The following LMBR1 variants were observed in gnomAD, a reference collection of about 807,000 sequenced individuals.
The protein encoded by LMBR1 is limb development membrane protein 1.
In LMBR1, 52 loss-of-function variants were observed where a neutral mutation model predicts 73.9. That is an observed-to-expected ratio of 0.70 (90% confidence interval 0.56 to 0.89). The LOEUF is 0.89. Ranked by LOEUF, LMBR1 falls within the 40% of genes least tolerant of loss-of-function variation. The pLI is 0.00. For synonymous variants in LMBR1, 215 were observed against 209.4 expected (o/e 1.03, Z -0.23); for missense variants, 539 against 579.8 (o/e 0.93, Z 0.72).
intron 2 of LMBR1, among the ~76,000 whole-genome samples, chr7:156,834,316 A>C (rs1158848371): frequency 6.6e-6 from 1 of 152,176 alleles, no homozygotes; most frequent in Non-Finnish European, 1.5e-5. Context: ...ACAAACAGAA[A>C]TTGGCTGGGC....
intron 9 of LMBR1, among the ~76,000 whole-genome samples, chr7:156,737,671 T>A (rs1208072825): frequency 1.4e-5 from 2 of 147,396 alleles, no homozygotes; most frequent in African/African-American, 2.4e-5. Flanking sequence ...TGCTATGTTA[T>A]TTCTAAATTT....
chr7:156,678,221 A>G lies in LMBR1; in HGVS notation c.*5857T>C, dbSNP rs1321556272. On this transcript the variant is annotated 3_prime_UTR_variant, in exon 17 of 17. Coordinates refer to ENST00000353442, the MANE Select transcript of LMBR1 (RefSeq NM_022458.4). ...AGTGCAGTACTTTACTGACACAGGA[A>G]CTAGTGTTAGTTGCAGGCAACAGAT... The G allele has an allele frequency of 1.3e-5, 2 of 152,256 alleles. No homozygotes were observed. The highest frequency in any genetic ancestry group is 2.9e-5 in the Non-Finnish European group (2 of 68,046). 9.4% of individuals were successfully genotyped at this position (152,256 alleles called of 1,614,324 possible).
chr7:156,748,696 C>G (rs1585535539), intron 9 of LMBR1, among the ~76,000 whole-genome samples: 2 of 152,104 alleles, frequency 1.3e-5, no homozygotes, highest in African/African-American at 4.8e-5. Flanking sequence ...ACCATGTTGG[C>G]CAGGCTGGTC....
At chr7:156,761,984 A>C (rs1823122809) in intron 8 of LMBR1, 150 bp downstream of exon 8, 1 of 572,274 alleles carries the variant, frequency 1.7e-6, no homozygotes, top group Non-Finnish European at 3.1e-6. Context: ...CTCAAAAAAA[A>C]AAAAAAAACT....
rs563997779 is a variant in LMBR1, at chr7:156,888,592, A to G, written c.66+4336T>C. ...ATGAATGAATGGGTAAGCAAAATACAGTATACACAAAAAGAAAATATTATT... is the reference window on the plus strand; with the variant it reads ...ATGAATGAATGGGTAAGCAAAATACGGTATACACAAAAAGAAAATATTATT... On this transcript the variant is annotated intron_variant, in intron 1 of 16. Transcript: ENST00000353442. Among the ~76,000 whole-genome samples the G allele has an allele frequency of 3.6e-4, 55 of 152,104 alleles. No individual in the cohort carries two copies. In the South Asian group the frequency reaches 5.6e-3, roughly 16 times the overall value.
intron 1 of LMBR1, among the ~76,000 whole-genome samples, chr7:156,888,714 T>C (rs933751704): frequency 6.6e-6 from 1 of 151,720 alleles, no homozygotes; most frequent in African/African-American, 2.4e-5. Context: ...GGCCAGGAGT[T>C]CAAGAACAGC....
chr7:156,862,680 A>G (rs1270944228), intron 1 of LMBR1, among the ~76,000 whole-genome samples: 54 of 152,220 alleles, frequency 3.5e-4, no homozygotes, highest in Non-Finnish European at 5.9e-5. Context: ...ATTTCTGTAA[A>G]AAGTGTATCT....
chr7:156,688,330 T>C (rs1806399293), intron 15 of LMBR1, 139 bp from the exon 16 acceptor site: 1 of 585,102 alleles, frequency 1.7e-6, no homozygotes, highest in East Asian at 3.2e-5. Context: ...GAATAAATCC[T>C]AATTTAAAAT....
At chr7:156,805,990 C>T (rs990825335) in intron 4 of LMBR1, among the ~76,000 whole-genome samples, 7 of 152,136 alleles carry the variant, frequency 4.6e-5, no homozygotes, top group Admixed American at 2.6e-4. Context: ...CATCAAGAAC[C>T]CAACCATGGT....
Position 156,681,140 on chromosome 7 carries a change from A to G in LMBR1, c.*2938T>C. On this transcript the variant is annotated 3_prime_UTR_variant, in exon 17 of 17. Coordinates refer to ENST00000353442, the MANE Select transcript of LMBR1 (RefSeq NM_022458.4). ...TTATGCATTAAATAACGTGCTACCA[A>G]CAAAACTAGCACATAAGAGCCTGTA... 2.2e-6 allele frequency: 1 copy of G among 447,114 alleles called. No individual in the cohort carries two copies. The highest frequency in any genetic ancestry group is 1.6e-5 in the South Asian group (1 of 62,240). The allele number at this position is 447,114 out of a possible 1,614,324, so 27.7% of individuals were successfully genotyped here. A position where few individuals can be genotyped will look rare whatever the true frequency, so the allele number is the denominator to read the frequency against.
chr7:156,860,219 C>T (rs779627217), intron 1 of LMBR1, among the ~76,000 whole-genome samples: 112 of 152,212 alleles, frequency 7.4e-4, no homozygotes, highest in Non-Finnish European at 1.4e-3. Context: ...ACTTACACTT[C>T]CACGTGGCTG....
rs866088959 is a variant in LMBR1, at chr7:156,678,141, C to T, written c.*5937G>A. 1 of 152,266 alleles carries T rather than the reference C, an allele frequency of 6.6e-6. No homozygotes were observed. Among genetic ancestry groups the T allele is most frequent in the South Asian group, 2.1e-4 (1 of 4,832 alleles). 9.4% of individuals were successfully genotyped at this position (152,266 alleles called of 1,614,324 possible). A position where few individuals can be genotyped will look rare whatever the true frequency, so the allele number is the denominator to read the frequency against. On this transcript the variant is annotated 3_prime_UTR_variant, in exon 17 of 17. Transcript: ENST00000353442. ...CACATCTGTGAGCCATGCCATCCAC[C>T]CCGTAAACCTTCCGTGCCTATGTTG...
chr7:156,769,709 C>A (rs767654410), intron 5 of LMBR1, among the ~76,000 whole-genome samples: 1 of 152,224 alleles, frequency 6.6e-6, no homozygotes, highest in Non-Finnish European at 1.5e-5. Flanking sequence ...GCCAGCAGGT[C>A]ATTTCCCCTG....
At chr7:156,704,047 G>A (rs1252535601) in intron 15 of LMBR1, among the ~76,000 whole-genome samples, 2 of 152,178 alleles carry the variant, frequency 1.3e-5, no homozygotes, top group East Asian at 1.9e-4. Context: ...CATGACCCAT[G>A]CCACCCTGGG....
chr7:156,824,592 C>T (rs746438279), intron 4 of LMBR1, among the ~76,000 whole-genome samples: 6 of 152,114 alleles, frequency 3.9e-5, no homozygotes, highest in Non-Finnish European at 7.4e-5. Context: ...TGTCTAGTCC[C>T]GGCACTTTGG....
At chr7:156,840,152 G>A (rs572734139) in intron 1 of LMBR1, among the ~76,000 whole-genome samples, 1 of 152,262 alleles carries the variant, frequency 6.6e-6, no homozygotes, top group East Asian at 1.9e-4. Flanking sequence ...TTTTTACTGT[G>A]GGCTTGCTAT....
chr7:156,736,303 G>A (rs1817852613), intron 9 of LMBR1, among the ~76,000 whole-genome samples: 1 of 152,140 alleles, frequency 6.6e-6, no homozygotes, highest in South Asian at 2.1e-4. Context: ...AATCCAATCT[G>A]ATAAACTGTT....
At chr7:156,693,154 AAGG>A (rs1167916278) in intron 15 of LMBR1, among the ~76,000 whole-genome samples, 2 of 152,174 alleles carry the variant, frequency 1.3e-5, no homozygotes, top group Admixed American at 6.5e-5. Context: ...AGAGTCCCTG[AAGG>A]AGAAGAGAAG....
At chr7:156,752,943 A>G (rs1454608209) in intron 9 of LMBR1, among the ~76,000 whole-genome samples, 3 of 150,310 alleles carry the variant, frequency 2.0e-5, no homozygotes, top group Non-Finnish European at 4.4e-5. Flanking sequence ...TAAACTGTGC[A>G]AGGAAGTAGG....
Sources: allele counts gnomAD v4.1 joint callset (sites outside exome capture counted in the v4.1 genomes callset), GRCh38; gene constraint gnomAD v4.1.1; transcripts MANE v1.5; gene names NCBI Gene and HGNC (gene_info 2026-07-23, HGNC 2026-07-21).